CCDC33: variants seen among roughly 807,000 people sequenced by gnomAD.
The protein encoded by CCDC33 is coiled-coil domain-containing protein 33.
A neutral mutation model predicts 91.9 loss-of-function variants in CCDC33; 94 were observed. That is an observed-to-expected ratio of 1.02 (90% confidence interval 0.87 to 1.21). The LOEUF is 1.21. CCDC33 is among the 50% of genes most tolerant of loss of function. The probability of loss-of-function intolerance (pLI) is 0.00; values close to 1 mark genes in which losing one functional copy is unlikely to be tolerated. For synonymous variants in CCDC33, 396 were observed against 374.5 expected (o/e 1.06, Z -0.66); for missense variants, 940 against 935.5 (o/e 1.00, Z -0.06).
chr15:74,269,036 G>A (rs2076245555), intron 5 of CCDC33, among the ~76,000 whole-genome samples: 1 of 152,190 alleles, frequency 6.6e-6, no homozygotes, highest in African/African-American at 2.4e-5. Flanking sequence ...GCCAGGACAG[G>A]GCTGAGCCCA....
intron 7 of CCDC33, among the ~76,000 whole-genome samples, chr15:74,273,397 A>T (rs899481251): frequency 1.3e-5 from 2 of 152,240 alleles, no homozygotes; most frequent in South Asian, 2.1e-4. Context: ...AAATGAATGC[A>T]TTTAACATTA....
At chr15:74,330,133 T>G in intron 11 of CCDC33, 56 bp from the exon 12 acceptor site, 2 of 1,493,682 alleles carry the variant, frequency 1.3e-6, no homozygotes, top group South Asian at 1.4e-5. Flanking sequence ...GATGTGGATG[T>G]GGGACCAGGG....
intron 18 of CCDC33, 81 bp downstream of exon 18, chr15:74,335,169 C>T: frequency 9.0e-7 from 1 of 1,106,582 alleles, no homozygotes; most frequent in Non-Finnish European, 1.4e-6. Context: ...TCACTGGGCC[C>T]TGAGAAAAGC....
chr15:74,280,944 C>A, intron 9 of CCDC33, 143 bp downstream of exon 9: 1 of 846,204 alleles, frequency 1.2e-6, no homozygotes, highest in Non-Finnish European at 1.6e-6. Flanking sequence ...GGAAGTCACC[C>A]AGTCTAGAAG....
intron 11 of CCDC33, among the ~76,000 whole-genome samples, chr15:74,310,861 G>A (rs918703334): frequency 6.6e-6 from 1 of 152,234 alleles, no homozygotes; most frequent in South Asian, 2.1e-4. Flanking sequence ...GCTCTGAAAG[G>A]ACCAACTGCC....
chr15:74,312,139 G>T (rs1371033523), intron 11 of CCDC33, among the ~76,000 whole-genome samples: 12 of 152,194 alleles, frequency 7.9e-5, no homozygotes, highest in Admixed American at 7.9e-4. Flanking sequence ...AGTCCAGAAG[G>T]ACTGGCAAAA....
In CCDC33 at chr15:74,330,349, A is replaced by G; in HGVS notation, c.1451A>G (p.Asn484Ser). ...CAGGGCAAAGCCAGTGAGGCCCAGA[A>G]CACGGGTGAGGATGTGCAGGCCACC... ...EGQGKASEAQ[N>S]TVSMKQKLLL... Residue 484 changes from asparagine to serine, a missense_variant, in exon 12 of 19, where the codon AAC becomes AGC. By Grantham distance (46) the Asn-to-Ser change is conservative. Transcript: ENST00000398814. The G allele has an allele frequency of 6.3e-7, 1 of 1,594,244 alleles. No individual in the cohort carries two copies. Among genetic ancestry groups the G allele is most frequent in the South Asian group, 1.1e-5 (1 of 88,720 alleles).
rs150780726 is a variant in CCDC33 at position 74,244,775 on chromosome 15, C to T, written c.185+627C>T. On this transcript the variant is annotated intron_variant, in intron 2 of 18. Transcript: ENST00000398814. This position sits in a 1 kb window ranked among gnomAD's most constrained non-coding sequence, Gnocchi z 4.2. Reference sequence around the variant, plus strand: ...TCCAGAAAGGCGCCAAGGGGCAACACAATCTCCATCCAGCCAACCTTCGCT... The same window carrying T: ...TCCAGAAAGGCGCCAAGGGGCAACATAATCTCCATCCAGCCAACCTTCGCT... Among the ~76,000 whole-genome samples the T allele has an allele frequency of 2.7e-3, 417 of 152,342 alleles. No homozygotes were observed. Among genetic ancestry groups the T allele is most frequent in the Non-Finnish European group, 4.9e-3 (335 of 68,036 alleles).
chr15:74,247,009 G>T (rs2075552634), intron 2 of CCDC33, among the ~76,000 whole-genome samples: 2 of 152,018 alleles, frequency 1.3e-5, no homozygotes, highest in African/African-American at 4.8e-5. Context: ...GCCGAGCGTG[G>T]TAGCAGGCAC....
intron 17 of CCDC33, 31 bp from the exon 18 acceptor site, chr15:74,334,944 G>T: frequency 6.5e-7 from 1 of 1,548,946 alleles, no homozygotes; most frequent in Non-Finnish European, 8.9e-7. Flanking sequence ...GCTGCCCATG[G>T]TCCTCCAATT....
intron 10 of CCDC33, among the ~76,000 whole-genome samples, chr15:74,291,855 T>G (rs1034110587): frequency 6.6e-6 from 1 of 152,224 alleles, no homozygotes; most frequent in Non-Finnish European, 1.5e-5. Context: ...CAGACCCAAC[T>G]CTGCTAACAA....
intron 1 of CCDC33, among the ~76,000 whole-genome samples, chr15:74,236,957 A>G (rs917950775): frequency 2.0e-5 from 3 of 152,186 alleles, no homozygotes; most frequent in African/African-American, 7.2e-5. Context: ...AATGCAGTGT[A>G]CTTGCAGGTG....
chr15:74,336,240 A>AGCCTTG, downstream of CCDC33: 1 of 1,418,998 alleles, frequency 7.0e-7, no homozygotes, highest in African/African-American at 1.4e-5. Flanking sequence ...CTGCAGCCTT[A>AGCCTTG]CAGCCTCCCG....
chr15:74,308,626 C>T (rs149379989), intron 11 of CCDC33, among the ~76,000 whole-genome samples: 7 of 152,284 alleles, frequency 4.6e-5, no homozygotes, highest in African/African-American at 1.4e-4. Flanking sequence ...CCACGGGGGA[C>T]TAATTATCCT....
At chr15:74,237,019 G>A (rs995136522) in intron 1 of CCDC33, among the ~76,000 whole-genome samples, 2 of 152,142 alleles carry the variant, frequency 1.3e-5, no homozygotes, top group Admixed American at 6.5e-5. Context: ...TTATTGCTGG[G>A]GTCACACAGT....
At chr15:74,235,234 G>C (rs919674938), upstream of CCDC33, among the ~76,000 whole-genome samples, 6 of 152,216 alleles carry the variant, frequency 3.9e-5, no homozygotes, top group African/African-American at 1.4e-4. Context: ...TCCCCCACCA[G>C]TGTCTGGGTG....
chr15:74,252,828 G>T (rs1485234861), intron 2 of CCDC33, among the ~76,000 whole-genome samples: 1 of 152,088 alleles, frequency 6.6e-6, no homozygotes, highest in Admixed American at 6.6e-5. Flanking sequence ...ACCCACACCT[G>T]CCCCCCATGA....
chr15:74,318,594 G>A, intron 11 of CCDC33: 1 of 734,950 alleles, frequency 1.4e-6, no homozygotes, highest in South Asian at 1.5e-5. Flanking sequence ...GTAAAGATGG[G>A]GGAGCCAGGG....
At chr15:74,331,359 T>C in intron 15 of CCDC33, 63 bp downstream of exon 15, 1 of 1,538,276 alleles carries the variant, frequency 6.5e-7, no homozygotes, top group Non-Finnish European at 8.9e-7. Flanking sequence ...AGGCCCTGCC[T>C]TCCTGGAGCC....
Sources: gnomAD v4.1 joint callset for allele counts (sites outside exome capture counted in the v4.1 genomes callset) on GRCh38, gnomAD v4.1.1 for gene constraint, Gnocchi (gnomAD v3.1) non-coding constraint, MANE v1.5 for transcripts, NCBI Gene and HGNC (gene_info 2026-07-23, HGNC 2026-07-21) for gene names.